SLCO1A2: variants seen among roughly 807,000 people sequenced by gnomAD.
The protein encoded by SLCO1A2 is solute carrier organic anion transporter family member 1A2, also known as OATP-1.
In SLCO1A2, 67 loss-of-function variants were observed where a neutral mutation model predicts 69.0. That is an observed-to-expected ratio of 0.97 (90% CI 0.80 to 1.19). SLCO1A2 has a LOEUF of 1.19. SLCO1A2 is among the 50% of genes most tolerant of loss of function. SLCO1A2 has a pLI of 0.00. For missense variants in SLCO1A2, 787 were observed against 793.7 expected (o/e 0.99, Z 0.10); for synonymous variants, 260 against 265.9 (o/e 0.98, Z 0.22).
chr12:21,335,091 A>G (rs58502637), upstream of SLCO1A2, among the ~76,000 whole-genome samples: 5,066 of 152,108 alleles, frequency 0.033, 79 homozygotes, highest in Middle Eastern at 0.051. Flanking sequence ...TTGTGTTTGT[A>G]CTAAAAACCT....
intron 8 of SLCO1A2, among the ~76,000 whole-genome samples, chr12:21,299,252 T>C (rs1237925472): frequency 6.6e-6 from 1 of 152,132 alleles, no homozygotes; most frequent in Non-Finnish European, 1.5e-5. Context: ...GATTCCAATG[T>C]GCAGCCAAGT....
At chr12:21,343,951 T>C (rs912582473) in intron 2 of SLCO1A2, among the ~76,000 whole-genome samples, 3 of 152,088 alleles carry the variant, frequency 2.0e-5, no homozygotes, top group Non-Finnish European at 4.4e-5. Flanking sequence ...AGAATGCCTA[T>C]TAATGGCTGA....
intron 1 of SLCO1A2, among the ~76,000 whole-genome samples, chr12:21,414,050 A>G (rs985972888): frequency 6.0e-5 from 9 of 149,156 alleles, no homozygotes; most frequent in Admixed American, 2.0e-4. Context: ...TGTACTGCAC[A>G]TAGGCACATA....
intron 4 of SLCO1A2, among the ~76,000 whole-genome samples, chr12:21,311,985 AGGAAGAG>A (rs1397598316): frequency 1.3e-5 from 2 of 151,016 alleles, no homozygotes; most frequent in Non-Finnish European, 3.0e-5. Context: ...GAGGAGGAGG[AGGAAGAG>A]GAGGAGGAGG....
intron 11 of SLCO1A2, among the ~76,000 whole-genome samples, chr12:21,292,697 GTGATTCT>G (rs1253479030): frequency 1.3e-5 from 2 of 152,026 alleles, no homozygotes; most frequent in East Asian, 3.9e-4. Context: ...CCAGGTTCAA[GTGATTCT>G]CCTGCCCTAG....
At chr12:21,394,361 A>T (rs983510042) in intron 1 of SLCO1A2, among the ~76,000 whole-genome samples, 1 of 124,060 alleles carries the variant, frequency 8.1e-6, no homozygotes, top group Non-Finnish European at 1.8e-5. Flanking sequence ...ATGAAACCAC[A>T]TCTTTACACA....
At chr12:21,310,380 C>A (rs776369640) in intron 4 of SLCO1A2, among the ~76,000 whole-genome samples, 5 of 152,184 alleles carry the variant, frequency 3.3e-5, no homozygotes, top group Non-Finnish European at 4.4e-5. Flanking sequence ...TGTTTTATTG[C>A]TAAAAGATGC....
chr12:21,400,786 C>G (rs1941667479), intron 1 of SLCO1A2, among the ~76,000 whole-genome samples: 1 of 147,634 alleles, frequency 6.8e-6, no homozygotes, highest in African/African-American at 2.5e-5. Context: ...AACAAAAAAC[C>G]AAACACCGTA....
intron 12 of SLCO1A2, 119 bp from the exon 13 acceptor site, chr12:21,275,543 A>G (rs1224648603): frequency 1.9e-6 from 2 of 1,044,910 alleles, no homozygotes; most frequent in East Asian, 6.0e-5. Flanking sequence ...TTTTACTTTC[A>G]TGCTCACTTA....
intron 12 of SLCO1A2, among the ~76,000 whole-genome samples, chr12:21,291,243 G>A (rs1452967364): frequency 6.6e-6 from 1 of 151,948 alleles, no homozygotes; most frequent in South Asian, 2.1e-4. Context: ...CTTATGAATC[G>A]GAACAAGACT....
Position 21,364,317 on chromosome 12 carries a change from T to C in SLCO1A2, c.-63+10082A>G, listed in dbSNP as rs183137416. 1.1e-4 allele frequency among the ~76,000 whole-genome samples: 17 copies of C among 152,314 alleles called. No individual in the cohort carries two copies. The South Asian group carries it at 2.1e-3, about 19-fold the overall frequency. ...AAAACCACATGATTATCTCAATAGA[T>C]GAAGAAAAGGCCTTTGACAAAATTT... is the stretch of plus-strand genomic sequence containing the variant. On this transcript the variant is annotated intron_variant, in intron 2 of 15. Coordinates refer to the SLCO1A2 transcript ENST00000307378.
chr12:21,356,929 G>T (rs1235854949), intron 2 of SLCO1A2, among the ~76,000 whole-genome samples: 3 of 151,898 alleles, frequency 2.0e-5, no homozygotes, highest in African/African-American at 7.3e-5. Context: ...TACTGAAATA[G>T]ATTATATACT....
intron 1 of SLCO1A2, among the ~76,000 whole-genome samples, chr12:21,387,763 G>C (rs1411925758): frequency 6.6e-6 from 1 of 152,142 alleles, no homozygotes; most frequent in Non-Finnish European, 1.5e-5. Flanking sequence ...TGTGAGAAGA[G>C]GGCCACTGTC....
intron 4 of SLCO1A2, among the ~76,000 whole-genome samples, chr12:21,308,319 G>A (rs1565488785): frequency 6.6e-6 from 1 of 152,088 alleles, no homozygotes; most frequent in Non-Finnish European, 1.5e-5. Context: ...TTTCAAAATG[G>A]AAAAGCAGGT....
intron 2 of SLCO1A2, among the ~76,000 whole-genome samples, chr12:21,348,596 T>C (rs1344039554): frequency 3.9e-5 from 6 of 152,180 alleles, no homozygotes; most frequent in Admixed American, 3.9e-4. Flanking sequence ...TTTACTCCCT[T>C]TTTTAAAAAG....
At chr12:21,294,352 T>G (rs1251757635) in intron 10 of SLCO1A2, 1 of 298,150 alleles carries the variant, frequency 3.4e-6, no homozygotes, top group Non-Finnish European at 6.1e-6. Context: ...AAACAAGCAT[T>G]AATTGAGCAC....
rs578022606 is a variant in SLCO1A2 at position 21,391,802 on chromosome 12, G to A, written c.-190+3104C>T. On this transcript the variant is annotated intron_variant, in intron 1 of 15. Coordinates refer to the SLCO1A2 transcript ENST00000307378. Reference sequence around the variant, plus strand: ...AGTTCCCCCAAAAGGTGCAGTTCTGGATTAATATGTCTAGTTCACTTTGCA... The same window carrying A: ...AGTTCCCCCAAAAGGTGCAGTTCTGAATTAATATGTCTAGTTCACTTTGCA... 7.3e-5 allele frequency among the ~76,000 whole-genome samples: 11 copies of A among 151,564 alleles called. No homozygotes were observed. In the East Asian group the frequency reaches 1.9e-3, roughly 27 times the overall value.
chr12:21,319,431 AT>A (rs1227982706), intron 2 of SLCO1A2: 1 of 1,367,730 alleles, frequency 7.3e-7, no homozygotes, highest in Non-Finnish European at 9.8e-7. Flanking sequence ...AACATTCTGC[AT>A]TCTCAGCAAT....
At chr12:21,349,964 C>A (rs1431425981) in intron 2 of SLCO1A2, among the ~76,000 whole-genome samples, 1 of 152,184 alleles carries the variant, frequency 6.6e-6, no homozygotes, top group Admixed American at 6.5e-5. Context: ...ACCTCTCAAT[C>A]ACTTCCCCTT....
Sources: allele counts gnomAD v4.1 joint callset (sites outside exome capture counted in the v4.1 genomes callset), GRCh38; gene constraint gnomAD v4.1.1; transcripts MANE v1.5; gene names NCBI Gene and HGNC (gene_info 2026-07-23, HGNC 2026-07-21).